Variants in USP12 observed in about 807,000 individuals in gnomAD.
The protein encoded by USP12 is ubiquitin specific peptidase 12, also known as ubiquitin carboxyl-terminal hydrolase 12.
Under a neutral mutation model 45.5 loss-of-function variants are expected in USP12, and 19 were observed. That is an observed-to-expected ratio of 0.42 (90% CI 0.29 to 0.61). The LOEUF is 0.61. USP12 is among the 20% of genes least tolerant of loss of function. The probability of loss-of-function intolerance (pLI) is 0.22; values close to 1 mark genes in which losing one functional copy is unlikely to be tolerated. For missense variants in USP12, 242 were observed against 447.7 expected (o/e 0.54, Z 4.15); for synonymous variants, 149 against 148.8 (o/e 1.00, Z -0.01).
In USP12 at chr13:27,089,897, C is replaced by G; in HGVS notation, c.720G>C (p.Gln240His). The G allele has an allele frequency of 6.2e-7, 1 of 1,610,246 alleles. No homozygotes were observed. Among genetic ancestry groups the G allele is most frequent in the Non-Finnish European group, 8.5e-7 (1 of 1,178,534 alleles). Reference protein sequence around the residue: ...KYYCEECRSKQEAHKRMKVKK... With the variant: ...KYYCEECRSKHEAHKRMKVKK... ...TCTAAAATTACCGTTTGTGTGCTTC[C>G]TGTTTGCTGCGACACTCTTCACAGT... The change falls in exon 6 of 9, where the codon CAG becomes CAC. Residue 240 changes from glutamine to histidine, a missense_variant. By Grantham distance (24) the Gln-to-His change is conservative. Coordinates refer to ENST00000282344, the MANE Select transcript of USP12 (RefSeq NM_182488.4).
In USP12 at chr13:27,110,127, T is replaced by TTAA. The variant is rs9319342; in HGVS notation, c.130-4184_130-4183insTTA. On this transcript the variant is annotated intron_variant, in intron 2 of 8. Transcript: ENST00000282344. ...GATGACTAGGATTTCCTTTTCCAGG[T>TTAA]AAAAAAAAAAAAAAAAAAAGGATAA... Among the ~76,000 whole-genome samples, 1,020 of 119,624 alleles carry TTAA rather than the reference T, an allele frequency of 8.5e-3. 190 individuals are homozygous for TTAA. The highest frequency in any genetic ancestry group is 0.017 in the Middle Eastern group (4 of 234). The allele number at this position is 119,624 out of a possible 152,430, so 78.5% of individuals were successfully genotyped here. A position where few individuals can be genotyped will look rare whatever the true frequency, so the allele number is the denominator to read the frequency against.
chr13:27,127,036 G>A (rs1158195415), intron 1 of USP12, among the ~76,000 whole-genome samples: 1 of 152,186 alleles, frequency 6.6e-6, no homozygotes, highest in Admixed American at 6.5e-5. Flanking sequence ...GAAAGTATCT[G>A]GGGGTTCTGC....
At chr13:27,104,049 TTA>T (rs1461745839) in intron 3 of USP12, among the ~76,000 whole-genome samples, 2 of 152,184 alleles carry the variant, frequency 1.3e-5, no homozygotes, top group Non-Finnish European at 2.9e-5. Context: ...CTCTTTTTTT[TTA>T]GAGACAGGGT....
chr13:27,147,070 G>A (rs1877339431), intron 1 of USP12, among the ~76,000 whole-genome samples: 2 of 152,184 alleles, frequency 1.3e-5, no homozygotes, highest in Admixed American at 1.3e-4. Context: ...CTGGTGAGAT[G>A]CTGATTTTGG....
chr13:27,157,950 G>A (rs1218713390), intron 1 of USP12, among the ~76,000 whole-genome samples: 1 of 152,176 alleles, frequency 6.6e-6, no homozygotes, highest in African/African-American at 2.4e-5. Context: ...AATCTCTAGG[G>A]TCTAGCACAT....
rs1322589875 is a variant in USP12, at chr13:27,068,306, A to G, written c.*977T>C. ...CAACAACTACAGGAATTTTTAAAATAGTTTTTTAATTTTATGAAATTAAAG... is the reference window on the plus strand; with the variant it reads ...CAACAACTACAGGAATTTTTAAAATGGTTTTTTAATTTTATGAAATTAAAG... On this transcript the variant is annotated 3_prime_UTR_variant, in exon 9 of 9. Coordinates refer to ENST00000282344, the MANE Select transcript of USP12 (RefSeq NM_182488.4). 1 of 144,172 alleles carries G rather than the reference A, an allele frequency of 6.9e-6. No individual in the cohort carries two copies. The highest frequency in any genetic ancestry group is 3.0e-5 in the African/African-American group (1 of 33,548). 8.9% of individuals were successfully genotyped at this position (144,172 alleles called of 1,614,324 possible). A position where few individuals can be genotyped will look rare whatever the true frequency, so the allele number is the denominator to read the frequency against.
chr13:27,090,059 A>G, intron 5 of USP12, 23 bp downstream of exon 5: 1 of 1,578,922 alleles, frequency 6.3e-7, no homozygotes, highest in Non-Finnish European at 8.6e-7. Context: ...ATTAAATTTC[A>G]AACTAAATAA....
chr13:27,097,673 A>G (rs1410210719), intron 3 of USP12, among the ~76,000 whole-genome samples: 1 of 152,152 alleles, frequency 6.6e-6, no homozygotes, highest in Non-Finnish European at 1.5e-5. Flanking sequence ...CCTCATCTGA[A>G]AAATGGGGCT....
intron 6 of USP12, among the ~76,000 whole-genome samples, chr13:27,078,274 A>G (rs1190250752): frequency 1.3e-5 from 2 of 152,204 alleles, no homozygotes; most frequent in African/African-American, 4.8e-5. Context: ...ACAGTGTAAC[A>G]ACTACTTATA....
intron 1 of USP12, among the ~76,000 whole-genome samples, chr13:27,139,730 C>A (rs1485856330): frequency 6.6e-6 from 1 of 152,162 alleles, no homozygotes; most frequent in Non-Finnish European, 1.5e-5. Flanking sequence ...CAAATAAATG[C>A]AGGTGAAGTC....
At chr13:27,144,928 A>C (rs73159778) in intron 1 of USP12, among the ~76,000 whole-genome samples, 7,972 of 151,844 alleles carry the variant, frequency 0.053, 256 homozygotes, top group Non-Finnish European at 0.056. Context: ...TCAGCCAGGC[A>C]TGGCGGCATA....
chr13:27,159,462 T>C (rs921250134), intron 1 of USP12, among the ~76,000 whole-genome samples: 2 of 152,204 alleles, frequency 1.3e-5, no homozygotes, highest in Admixed American at 6.5e-5. Context: ...AAGTGTTCTA[T>C]CATTAAATTT....
intron 3 of USP12, among the ~76,000 whole-genome samples, chr13:27,101,765 A>G (rs1379257332): frequency 6.6e-6 from 1 of 152,240 alleles, no homozygotes; most frequent in Non-Finnish European, 1.5e-5. Context: ...TTGGAGAAAA[A>G]GAATTGTTTG....
intron 2 of USP12, among the ~76,000 whole-genome samples, chr13:27,112,721 A>G (rs1385710838): frequency 6.6e-6 from 1 of 152,246 alleles, no homozygotes; most frequent in Non-Finnish European, 1.5e-5. Flanking sequence ...ACCCTTTGAC[A>G]TCATGGAACT....
intron 1 of USP12, among the ~76,000 whole-genome samples, chr13:27,155,283 A>G (rs372228460): frequency 2.1e-3 from 324 of 151,734 alleles, no homozygotes; most frequent in Non-Finnish European, 2.4e-3. Context: ...GGGTTTCACC[A>G]TGTTGGCCAA....
At chr13:27,087,621 C>T (rs547551805) in intron 6 of USP12, among the ~76,000 whole-genome samples, 1 of 152,336 alleles carries the variant, frequency 6.6e-6, no homozygotes, top group South Asian at 2.1e-4. Flanking sequence ...ACGAGCACAA[C>T]TGTACAAGGT....
Position 27,084,500 on chromosome 13 carries a change from A to G in USP12, c.734+5383T>C, listed in dbSNP as rs1407831413. ...CAGCCTGGAGAGACAGTGAGATGAA[A>G]AAAAAAAAAAAAAAAAAGAGTTCTA... On this transcript the variant is annotated intron_variant, in intron 6 of 8. Transcript: ENST00000282344. 7.9e-4 allele frequency among the ~76,000 whole-genome samples: 65 copies of G among 82,778 alleles called. 1 individual carries two copies. In the East Asian group the frequency reaches 0.034, roughly 44 times the overall value. 54.3% of individuals were successfully genotyped at this position (82,778 alleles called of 152,430 possible).
In USP12 at chr13:27,086,174, TAAAAAAAAAAAAAAAA is replaced by T. The variant is rs138475761; in HGVS notation, c.734+3693_734+3708del. ...GACAGAGAGAGATCTTTTGTCTCTTTAAAAAAAAAAAAAAAAAAAAAAAATATATATATATATATAT... is the reference window on the plus strand; with the variant it reads ...GACAGAGAGAGATCTTTTGTCTCTTTAAAAAAAATATATATATATATATAT... On this transcript the variant is annotated intron_variant, in intron 6 of 8. Transcript: ENST00000282344. 1.5e-4 allele frequency among the ~76,000 whole-genome samples: 11 copies of T among 72,334 alleles called. 1 individual carries two copies. Among genetic ancestry groups the T allele is most frequent in the Non-Finnish European group, 2.2e-4 (9 of 40,066 alleles). 47.5% of individuals were successfully genotyped at this position (72,334 alleles called of 152,430 possible).
chr13:27,155,351 G>A (rs1455363373), intron 1 of USP12, among the ~76,000 whole-genome samples: 1 of 152,056 alleles, frequency 6.6e-6, no homozygotes, highest in Non-Finnish European at 1.5e-5. Context: ...AAGGTGCTGG[G>A]ATCACAGGTG....
Sources: gnomAD v4.1 joint callset for allele counts (sites outside exome capture counted in the v4.1 genomes callset) on GRCh38, gnomAD v4.1.1 for gene constraint, MANE v1.5 for transcripts, NCBI Gene and HGNC (gene_info 2026-07-23, HGNC 2026-07-21) for gene names.